The following TMEM132C variants were observed in gnomAD, a reference collection of about 807,000 sequenced individuals.
The protein encoded by TMEM132C is transmembrane protein 132C.
Under a neutral mutation model 61.4 loss-of-function variants are expected in TMEM132C, and 29 were observed. The observed-to-expected ratio is 0.47, with a 90% CI of 0.35 to 0.64. TMEM132C has a LOEUF of 0.64. Among genes scored for constraint, TMEM132C ranks in the 30% least tolerant of loss-of-function variants. The pLI is 0.00. For missense variants in TMEM132C, 1,408 were observed against 1,476.9 expected (o/e 0.95, Z 0.76); for synonymous variants, 656 against 633.1 (o/e 1.04, Z -0.54).
At chr12:128,580,539 C>T (rs115865213) in intron 3 of TMEM132C, among the ~76,000 whole-genome samples, 2,784 of 152,322 alleles carry the variant, frequency 0.018, 92 homozygotes, top group African/African-American at 0.061. Flanking sequence ...TCCAAGGTCA[C>T]GGTCCAACGT....
intron 3 of TMEM132C, among the ~76,000 whole-genome samples, chr12:128,589,947 G>C (rs933891104): frequency 6.6e-6 from 1 of 152,186 alleles, no homozygotes; most frequent in Admixed American, 6.5e-5. Flanking sequence ...TTGTTGTTAC[G>C]TTTGAAGCAA....
At chr12:128,597,232 C>A (rs1876001271) in intron 3 of TMEM132C, among the ~76,000 whole-genome samples, 1 of 152,128 alleles carries the variant, frequency 6.6e-6, no homozygotes, top group South Asian at 2.1e-4. Context: ...GTAATCCCAG[C>A]ACTTTGGGAG....
At chr12:128,641,701 A>C (rs1297247710) in intron 4 of TMEM132C, among the ~76,000 whole-genome samples, 1 of 152,162 alleles carries the variant, frequency 6.6e-6, no homozygotes, top group Non-Finnish European at 1.5e-5. Flanking sequence ...GAGAGAATAA[A>C]CTTCTGTTAC....
chr12:128,591,774 A>G (rs1273571686), intron 3 of TMEM132C, among the ~76,000 whole-genome samples: 1 of 152,144 alleles, frequency 6.6e-6, no homozygotes, highest in Non-Finnish European at 1.5e-5. Context: ...ACTGACAGCC[A>G]GGCACGGTGG....
At position 128,525,930 on chromosome 12, in the gene TMEM132C, C is replaced by T. The variant is rs718397; in HGVS notation, c.975-18027C>T. On this transcript the variant is annotated intron_variant, in intron 2 of 8. Coordinates refer to ENST00000435159, the MANE Select transcript of TMEM132C (RefSeq NM_001136103.3). The stretch of plus-strand genomic sequence containing the variant: ...CCTTGCCTTATAGAGCTCACAATCC[C>T]AGATGGCAGACAATGGCACGACCTC... Among the ~76,000 whole-genome samples the T allele has an allele frequency of 7.7e-3, 1,175 of 152,222 alleles. 7 individuals carry two copies. The highest frequency in any genetic ancestry group is 0.011 in the Non-Finnish European group (759 of 68,014).
intron 2 of TMEM132C, among the ~76,000 whole-genome samples, chr12:128,531,229 T>C (rs553090511): frequency 6.6e-6 from 1 of 152,340 alleles, no homozygotes; most frequent in African/African-American, 2.4e-5. Context: ...CCTACTGCTC[T>C]CTGAGATCCA....
chr12:128,637,344 C>T (rs764667880), intron 4 of TMEM132C, among the ~76,000 whole-genome samples: 19 of 152,140 alleles, frequency 1.2e-4, no homozygotes, highest in Non-Finnish European at 2.6e-4. Flanking sequence ...CTCCCATTCG[C>T]AGATGAGAAA....
At chr12:128,430,132 A>G (rs919653488) in intron 2 of TMEM132C, among the ~76,000 whole-genome samples, 11 of 152,168 alleles carry the variant, frequency 7.2e-5, no homozygotes, top group Non-Finnish European at 1.6e-4. Flanking sequence ...CAACATTCCT[A>G]GTAAGCCTGC....
intron 1 of TMEM132C, among the ~76,000 whole-genome samples, chr12:128,379,406 C>T (rs1874330156): frequency 6.6e-6 from 1 of 152,206 alleles, no homozygotes; most frequent in African/African-American, 2.4e-5. Context: ...ACAACCTATT[C>T]CAGTTGCCTG....
chr12:128,429,647 T>A (rs944688060), intron 2 of TMEM132C, among the ~76,000 whole-genome samples: 1 of 152,224 alleles, frequency 6.6e-6, no homozygotes, highest in African/African-American at 2.4e-5. Flanking sequence ...GGAGCTAACC[T>A]AGTTAGCCTA....
At chr12:128,270,421 C>G (rs994009791) in intron 1 of TMEM132C, among the ~76,000 whole-genome samples, 19 of 152,096 alleles carry the variant, frequency 1.2e-4, no homozygotes, top group African/African-American at 4.3e-4. Flanking sequence ...GAATCTTTAC[C>G]TAAAGAAGGA....
At chr12:128,494,437 T>C (rs1310234022) in intron 2 of TMEM132C, among the ~76,000 whole-genome samples, 2 of 152,206 alleles carry the variant, frequency 1.3e-5, no homozygotes, top group Non-Finnish European at 2.9e-5. Context: ...AGTTCCTCCT[T>C]GTACCTCTGG....
At chr12:128,631,948 C>T (rs983572332) in intron 4 of TMEM132C, among the ~76,000 whole-genome samples, 1 of 152,180 alleles carries the variant, frequency 6.6e-6, no homozygotes, top group Non-Finnish European at 1.5e-5. Flanking sequence ...GTGCCTGCCT[C>T]CCGCATAACC....
At chr12:128,510,814 GGGCAGCCTCGCCTGGC>G (rs1317872931) in intron 2 of TMEM132C, among the ~76,000 whole-genome samples, 3 of 152,236 alleles carry the variant, frequency 2.0e-5, no homozygotes, top group African/African-American at 7.2e-5. Flanking sequence ...GTGGATCACA[GGGCAGCCTCGCCTGGC>G]GAGTGGCAGA....
At chr12:128,591,390 T>C (rs1437560164) in intron 3 of TMEM132C, among the ~76,000 whole-genome samples, 1 of 152,154 alleles carries the variant, frequency 6.6e-6, no homozygotes. Context: ...ACTGGTGTCT[T>C]CCACTCAGCG....
intron 2 of TMEM132C, among the ~76,000 whole-genome samples, chr12:128,509,572 T>G (rs2136116911): frequency 6.6e-6 from 1 of 152,318 alleles, no homozygotes; most frequent in Admixed American, 6.5e-5. Context: ...ACTTTGCTTT[T>G]GGGATAGTGA....
intron 2 of TMEM132C, among the ~76,000 whole-genome samples, chr12:128,536,708 A>G (rs1321315836): frequency 6.6e-6 from 1 of 152,022 alleles, no homozygotes; most frequent in Non-Finnish European, 1.5e-5. Context: ...ACTATTCACA[A>G]GAATGTATCT....
At chr12:128,479,693 G>T (rs568868218) in intron 2 of TMEM132C, among the ~76,000 whole-genome samples, 1 of 152,184 alleles carries the variant, frequency 6.6e-6, no homozygotes, top group East Asian at 1.9e-4. Context: ...CTTTAGAGGA[G>T]TTGTCTGCTG....
chr12:128,441,311 T>A (rs953954061), intron 2 of TMEM132C, among the ~76,000 whole-genome samples: 3 of 152,198 alleles, frequency 2.0e-5, no homozygotes, highest in Admixed American at 2.0e-4. Flanking sequence ...CCCACCTGAC[T>A]GACCTCTGTG....
Sources: allele counts gnomAD v4.1 joint callset (sites outside exome capture counted in the v4.1 genomes callset), GRCh38; gene constraint gnomAD v4.1.1; transcripts MANE v1.5; gene names NCBI Gene and HGNC (gene_info 2026-07-23, HGNC 2026-07-21).